Variants in TSHZ2 observed in about 807,000 individuals in gnomAD.
TSHZ2 encodes the protein teashirt homolog 2.
In TSHZ2, 21 loss-of-function variants were observed where a neutral mutation model predicts 74.4. The observed-to-expected ratio is 0.28, with a 90% CI of 0.20 to 0.41. TSHZ2 has a LOEUF of 0.41. Among genes scored for constraint, TSHZ2 ranks in the 10% least tolerant of loss-of-function variants. The probability of loss-of-function intolerance (pLI) is 1.00; values close to 1 mark genes in which losing one functional copy is unlikely to be tolerated. For synonymous variants in TSHZ2, 540 were observed against 515.3 expected (o/e 1.05, Z -0.65); for missense variants, 1,244 against 1,293.5 (o/e 0.96, Z 0.59).
chr20:52,972,537 T>C lies in TSHZ2; in HGVS notation c.-757T>C, dbSNP rs78181928. On this transcript the variant is annotated 5_prime_UTR_variant, in exon 1 of 3. Transcript: ENST00000371497. ...GTGTGTGAGTGTCTGTGTGTGTGTCTGTGTGTGTGTGTGAGTGAGTGAATT... is the reference window on the plus strand; with the variant it reads ...GTGTGTGAGTGTCTGTGTGTGTGTCCGTGTGTGTGTGTGAGTGAGTGAATT... 0.077 allele frequency: 11,596 copies of C among 151,520 alleles called. 481 individuals carry two copies. Among genetic ancestry groups the C allele is most frequent in the African/African-American group, 0.1 (4,251 of 41,090 alleles). The allele number at this position is 151,520 out of a possible 1,614,324, so 9.4% of individuals were successfully genotyped here. A position where few individuals can be genotyped will look rare whatever the true frequency, so the allele number is the denominator to read the frequency against.
chr20:53,482,454 G>A (rs183802264), intron 2 of TSHZ2, among the ~76,000 whole-genome samples: 10 of 152,284 alleles, frequency 6.6e-5, no homozygotes, highest in Admixed American at 6.5e-4. Flanking sequence ...ATCACAGAAA[G>A]TCAATAACAA....
At chr20:53,465,966 TAAAAAA>T (rs557411643) in intron 2 of TSHZ2, among the ~76,000 whole-genome samples, 4 of 132,214 alleles carry the variant, frequency 3.0e-5, no homozygotes, top group African/African-American at 8.5e-5. Flanking sequence ...TCACAGTGGT[TAAAAAA>T]AAAAAAAAAA....
At chr20:53,136,843 T>C (rs908464659) in intron 1 of TSHZ2, among the ~76,000 whole-genome samples, 12 of 152,236 alleles carry the variant, frequency 7.9e-5, no homozygotes, top group Non-Finnish European at 1.5e-5. Context: ...TGTTTGGATT[T>C]TTTTTCCCCT....
intron 2 of TSHZ2, among the ~76,000 whole-genome samples, chr20:53,438,691 T>G (rs1161557488): frequency 6.6e-6 from 1 of 152,160 alleles, no homozygotes; most frequent in Non-Finnish European, 1.5e-5. Context: ...CTGGGTGCAG[T>G]GGCTCACGCC....
At chr20:53,274,005 G>C (rs571341448) in intron 2 of TSHZ2, among the ~76,000 whole-genome samples, 2 of 152,198 alleles carry the variant, frequency 1.3e-5, no homozygotes, top group African/African-American at 4.8e-5. Context: ...TAGTGGCCGG[G>C]CGCAGTGACT....
intron 1 of TSHZ2, among the ~76,000 whole-genome samples, chr20:52,996,120 T>G (rs1982178543): frequency 6.6e-6 from 1 of 152,126 alleles, no homozygotes; most frequent in Admixed American, 6.5e-5. Context: ...AGAGATATAT[T>G]CTTTTGAGGT....
At chr20:53,470,237 A>AAAAGT (rs1285148355) in intron 2 of TSHZ2, among the ~76,000 whole-genome samples, 20 of 152,362 alleles carry the variant, frequency 1.3e-4, no homozygotes, top group Middle Eastern at 3.4e-3. Flanking sequence ...CTGGCATATC[A>AAAAGT]AAAGTAAAGT....
At chr20:53,027,311 A>G (rs1983481833) in intron 1 of TSHZ2, among the ~76,000 whole-genome samples, 1 of 152,218 alleles carries the variant, frequency 6.6e-6, no homozygotes, top group Non-Finnish European at 1.5e-5. Context: ...ATATCCATAT[A>G]TGCTCATATA....
At chr20:53,216,949 G>C (rs967081913) in intron 1 of TSHZ2, among the ~76,000 whole-genome samples, 5 of 152,162 alleles carry the variant, frequency 3.3e-5, no homozygotes, top group African/African-American at 1.2e-4. Flanking sequence ...GCGGTGAGCA[G>C]AGTTGGAAAC....
intron 1 of TSHZ2, among the ~76,000 whole-genome samples, chr20:53,150,598 G>A (rs1328686770): frequency 1.3e-5 from 2 of 150,974 alleles, no homozygotes; most frequent in African/African-American, 4.9e-5. Flanking sequence ...CTAATCTAAG[G>A]TAAAATCAAC....
intron 2 of TSHZ2, among the ~76,000 whole-genome samples, chr20:53,338,873 GC>G (rs1226141388): frequency 6.6e-6 from 1 of 152,190 alleles, no homozygotes; most frequent in African/African-American, 2.4e-5. Context: ...GTCAGATGAG[GC>G]CAGCACTGCG....
At chr20:53,069,207 G>GTATCTC (rs1985091310) in intron 1 of TSHZ2, among the ~76,000 whole-genome samples, 1 of 152,138 alleles carries the variant, frequency 6.6e-6, no homozygotes, top group Non-Finnish European at 1.5e-5. Flanking sequence ...TCCCAAGAAG[G>GTATCTC]ATAAATGTGT....
At chr20:53,486,858 C>T (rs919658661) in intron 2 of TSHZ2, among the ~76,000 whole-genome samples, 3 of 152,106 alleles carry the variant, frequency 2.0e-5, no homozygotes, top group Non-Finnish European at 4.4e-5. Flanking sequence ...CCCTCCCCAG[C>T]CCCAGTAGAC....
At chr20:53,186,901 A>T (rs1011018425) in intron 1 of TSHZ2, among the ~76,000 whole-genome samples, 1 of 149,112 alleles carries the variant, frequency 6.7e-6, no homozygotes, top group East Asian at 2.0e-4. Flanking sequence ...ACTAGGGTTT[A>T]ATATATATAT....
chr20:53,261,123 G>T (rs181425226), intron 2 of TSHZ2, among the ~76,000 whole-genome samples: 2 of 152,208 alleles, frequency 1.3e-5, no homozygotes, highest in Admixed American at 1.3e-4. Flanking sequence ...CTGCTCCTTG[G>T]TTTCCTCCTC....
chr20:53,026,642 A>T (rs1983456565), intron 1 of TSHZ2, among the ~76,000 whole-genome samples: 1 of 152,250 alleles, frequency 6.6e-6, no homozygotes, highest in Non-Finnish European at 1.5e-5. Flanking sequence ...ATAAGAGAGA[A>T]AAATATAACT....
chr20:53,139,460 G>A (rs953892447), intron 1 of TSHZ2, among the ~76,000 whole-genome samples: 6 of 152,192 alleles, frequency 3.9e-5, no homozygotes, highest in Non-Finnish European at 8.8e-5. Flanking sequence ...TCTTTAAAAA[G>A]TATTTGCCCT....
intron 1 of TSHZ2, among the ~76,000 whole-genome samples, chr20:53,033,930 G>A (rs1285157920): frequency 2.0e-5 from 3 of 152,066 alleles, no homozygotes; most frequent in Non-Finnish European, 2.9e-5. Flanking sequence ...AAAGTGCTGG[G>A]ATTGCAGGCA....
chr20:53,197,726 C>CTTCT (rs1409260027), intron 1 of TSHZ2, among the ~76,000 whole-genome samples: 1 of 152,234 alleles, frequency 6.6e-6, no homozygotes, highest in Admixed American at 6.5e-5. Flanking sequence ...GGCATGGCTG[C>CTTCT]TTCTACCTGA....
Sources: allele counts gnomAD v4.1 joint callset (sites outside exome capture counted in the v4.1 genomes callset), GRCh38; gene constraint gnomAD v4.1.1; transcripts MANE v1.5; gene names NCBI Gene and HGNC (gene_info 2026-07-23, HGNC 2026-07-21).